Variants in CEP250 observed in about 807,000 individuals in gnomAD.
The protein encoded by CEP250 is centrosome-associated protein CEP250.
Under a neutral mutation model 315.7 loss-of-function variants are expected in CEP250, and 242 were observed. That is an observed-to-expected ratio of 0.77 (90% confidence interval 0.69 to 0.85). The LOEUF (loss-of-function observed/expected upper bound fraction) is 0.85. Among genes scored for constraint, CEP250 ranks in the 40% least tolerant of loss-of-function variants. The pLI is 0.00. For missense variants in CEP250, 2,515 were observed against 2,886.4 expected, an observed-to-expected ratio of 0.87 and a Z score of 2.95; for synonymous variants, 1,088 against 1,175.0, an observed-to-expected ratio of 0.93 and a Z score of 1.51.
rs1466257184 is a variant in CEP250, at chr20:35,500,130, T to A, written c.3859T>A (p.Leu1287Met). The A allele has an allele frequency of 6.2e-7, 1 of 1,613,990 alleles. No homozygotes were observed. Among genetic ancestry groups the A allele is most frequent in the Non-Finnish European group, 8.5e-7 (1 of 1,179,992 alleles). The change falls in exon 28 of 35, where the codon TTG becomes ATG. Residue 1287 changes from leucine (L) to methionine (M), a missense_variant. Coordinates refer to ENST00000397527, the MANE Select transcript of CEP250 (RefSeq NM_007186.6). ...EAEKSQVHTELQDLQRQLSQN... is the reference protein window; with the variant it reads ...EAEKSQVHTEMQDLQRQLSQN... ...TGAGAAGAGCCAGGTCCACACAGAG[T>A]TGCAGGATCTGCAGAGACAGCTCTC...
Position 35,480,153 on chromosome 20 carries a change from G to T in CEP250, c.2586+8G>T, listed in dbSNP as rs2063305727. The T allele has an allele frequency of 6.2e-7, 1 of 1,608,632 alleles. No individual in the cohort carries two copies. Among genetic ancestry groups the T allele is most frequent in the Non-Finnish European group, 8.5e-7 (1 of 1,178,308 alleles). The stretch of plus-strand genomic sequence containing the variant: ...CAGCTCCGGGAGAAATGGGTAAGTG[G>T]TCAATGTGGCCGGGTATGGCCTCCC... On this transcript the variant is annotated splice_region_variant and intron_variant, in intron 20 of 34. Transcript: ENST00000397527.
chr20:35,491,895 C>CA (rs34747030), intron 22 of CEP250, among the ~76,000 whole-genome samples: 42,940 of 63,772 alleles, frequency 0.67, 14,436 homozygotes, highest in Non-Finnish European at 0.75. Flanking sequence ...GAGCGAGTCT[C>CA]AAAAAAAAAA....
chr20:35,476,322 A>T (rs2063172268), intron 15 of CEP250, 127 bp from the exon 16 acceptor site: 1 of 811,830 alleles, frequency 1.2e-6, no homozygotes, highest in Non-Finnish European at 1.9e-6. Flanking sequence ...CTTGTTTAGA[A>T]TGCAGGAGAG....
In CEP250 at chr20:35,505,011, TCA is replaced by T. The variant is rs778261515; in HGVS notation, c.6636+8_6636+9del. 6.3e-7 allele frequency: 1 copy of T among 1,594,670 alleles called. No individual in the cohort carries two copies. Among genetic ancestry groups the T allele is most frequent in the African/African-American group, 1.3e-5 (1 of 74,656 alleles). Reference sequence around the variant, plus strand: ...CAGAACAGCAAAGGCTGCAGGTAAGTCACTCCATGGGGAGTAAGGGCCAGGGG... The same window carrying T: ...CAGAACAGCAAAGGCTGCAGGTAAGTCTCCATGGGGAGTAAGGGCCAGGGG... On this transcript the variant is annotated splice_region_variant and intron_variant, in intron 30 of 34. Transcript: ENST00000397527.
intron 17 of CEP250, 37 bp from the exon 18 acceptor site, chr20:35,479,194 G>T: frequency 6.3e-7 from 1 of 1,596,926 alleles, no homozygotes; most frequent in East Asian, 2.2e-5. Context: ...GGGGAATCCA[G>T]CCTCTGCTCC....
chr20:35,504,968 C>G lies in CEP250; in HGVS notation c.6599C>G (p.Ser2200Cys), dbSNP rs376231852. ...LQEVAMFLQA[S>C]VLERDSEQQR... ...GAGGTAGCCATGTTCCTACAAGCCTCTGTCCTGGAGCGGGACTCAGAACAG... is the reference window on the plus strand; with the variant it reads ...GAGGTAGCCATGTTCCTACAAGCCTGTGTCCTGGAGCGGGACTCAGAACAG... Residue 2200 changes from serine to cysteine, a missense_variant, in exon 30 of 35, where the codon TCT becomes TGT. Ser to Cys is a moderately radical substitution (Grantham distance 112). Transcript: ENST00000397527. The G allele has an allele frequency of 6.2e-7, 1 of 1,613,590 alleles. No individual in the cohort carries two copies. Among genetic ancestry groups the G allele is most frequent in the Non-Finnish European group, 8.5e-7 (1 of 1,179,630 alleles).
chr20:35,504,200 C>G lies in CEP250; in HGVS notation c.5831C>G (p.Ala1944Gly). 1 of 1,612,726 alleles carries G rather than the reference C, an allele frequency of 6.2e-7. No individual in the cohort carries two copies. The highest frequency in any genetic ancestry group is 1.7e-5 in the Admixed American group (1 of 59,822). Residue 1944 changes from alanine (A) to glycine (G), a missense_variant, in exon 30 of 35, where the codon GCT (alanine) becomes GGT (glycine). By Grantham distance (60) the Ala-to-Gly change is moderately conservative. Coordinates refer to ENST00000397527, the MANE Select transcript of CEP250 (RefSeq NM_007186.6). ...VLKERDQELE[A>G]LRAESQSSRH... ...AAGGAACGGGACCAGGAGCTGGAAGCTCTGCGGGCAGAAAGTCAGTCCTCC... is the reference window on the plus strand; with the variant it reads ...AAGGAACGGGACCAGGAGCTGGAAGGTCTGCGGGCAGAAAGTCAGTCCTCC...
intron 28 of CEP250, 113 bp from the exon 29 acceptor site, chr20:35,501,732 C>T (rs960300463): frequency 7.3e-6 from 9 of 1,235,748 alleles, no homozygotes; most frequent in African/African-American, 3.0e-5. Context: ...TCCTTCTTGG[C>T]CTTCCTTCCC....
At chr20:35,466,400 C>T (rs923225696) in intron 7 of CEP250, among the ~76,000 whole-genome samples, 196 bp downstream of exon 7, 7 of 152,186 alleles carry the variant, frequency 4.6e-5, no homozygotes, top group Non-Finnish European at 1.0e-4. Flanking sequence ...TGCCACTACC[C>T]GCCTAGTCTA....
Position 35,462,467 on chromosome 20 carries a change from A to G in CEP250, c.100A>G (p.Asn34Asp). The change falls in exon 4 of 35, where the codon AAT (asparagine) becomes GAT (aspartate). Residue 34 changes from asparagine (N) to aspartate (D), a missense_variant. Coordinates refer to ENST00000397527, the MANE Select transcript of CEP250 (RefSeq NM_007186.6). ...GGCACTACAGCAGCAGATGGCAGAG[A>G]ATCAGGCAGCCTCCTGGCGGAAGCT... ...VLALQQQMAE[N>D]QAASWRKLKN... 6.2e-7 allele frequency: 1 copy of G among 1,608,666 alleles called. No individual in the cohort carries two copies. The highest frequency in any genetic ancestry group is 8.5e-7 in the Non-Finnish European group (1 of 1,177,438).
intron 17 of CEP250, 39 bp downstream of exon 17, chr20:35,478,140 A>G (rs1412119403): frequency 1.4e-5 from 18 of 1,278,614 alleles, no homozygotes; most frequent in Non-Finnish European, 1.9e-5. Flanking sequence ...TCTAGGTGTA[A>G]TATATGCTCA....
At chr20:35,488,221 G>T (rs900781587) in intron 20 of CEP250, among the ~76,000 whole-genome samples, 1 of 152,186 alleles carries the variant, frequency 6.6e-6, no homozygotes, top group African/African-American at 2.4e-5. Flanking sequence ...AGAGCAAATA[G>T]ATCAGTTTTT....
chr20:35,504,332 C>T lies in CEP250; in HGVS notation c.5963C>T (p.Ala1988Val), dbSNP rs140286792. The T allele has an allele frequency of 5.2e-5, 82 of 1,591,644 alleles. No homozygotes were observed. The highest frequency in any genetic ancestry group is 6.8e-5 in the Non-Finnish European group (80 of 1,169,368). ...QGKEQHLLEQ[A>V]ELSRSLEAST... is the part of the protein sequence containing the mutation. ...AAAGAGCAGCATCTCCTCGAGCAGG[C>T]AGAATTGAGCCGCAGTCTGGAGGCC... Residue 1988 changes from alanine to valine, a missense_variant, in exon 30 of 35, where the codon GCA becomes GTA. Transcript: ENST00000397527.
intron 20 of CEP250, among the ~76,000 whole-genome samples, chr20:35,486,544 AC>A (rs2063519926): frequency 6.6e-6 from 1 of 152,046 alleles, no homozygotes; most frequent in African/African-American, 2.4e-5. Flanking sequence ...CACCTGGCCT[AC>A]ACCACAAGTC....
At chr20:35,478,479 C>G (rs1383889568) in intron 17 of CEP250, among the ~76,000 whole-genome samples, 1 of 152,118 alleles carries the variant, frequency 6.6e-6, no homozygotes, top group African/African-American at 2.4e-5. Context: ...GCAGGAGAAT[C>G]TCTTGAATCT....
chr20:35,511,446 G>C lies in CEP250; in HGVS notation c.7149G>C (p.Glu2383Asp), dbSNP rs779178409. 6.2e-7 allele frequency: 1 copy of C among 1,614,080 alleles called. No homozygotes were observed. The highest frequency in any genetic ancestry group is 2.2e-5 in the East Asian group (1 of 44,874). ...CCCGCTCAGCACAGACCAGCCGTGA[G>C]CTAGCAGGCCTGCACCACAGCCTCT... ...YITRSAQTSR[E>D]LAGLHHSLSH... The change falls in exon 35 of 35, where the codon GAG becomes GAC. Residue 2383 changes from glutamate to aspartate, a missense_variant. Physicochemically the swap from Glu to Asp is conservative, Grantham distance 45 (BLOSUM62 2). Coordinates refer to ENST00000397527, the MANE Select transcript of CEP250 (RefSeq NM_007186.6).
In CEP250 at chr20:35,507,660, G is replaced by T. The variant is rs541171211; in HGVS notation, c.6637-78G>T. 3.0e-5 allele frequency: 33 copies of T among 1,088,230 alleles called. No individual in the cohort carries two copies. In the Admixed American group the frequency reaches 6.7e-4, roughly 22 times the overall value. The allele number at this position is 1,088,230 out of a possible 1,614,324, so 67.4% of individuals were successfully genotyped here. A position where few individuals can be genotyped will look rare whatever the true frequency, so the allele number is the denominator to read the frequency against. On this transcript the variant is annotated intron_variant, in intron 30 of 34. Coordinates refer to ENST00000397527, the MANE Select transcript of CEP250 (RefSeq NM_007186.6). Reference sequence around the variant, plus strand: ...AAAAGCCTGAGGAGAACATTGAACCGCTGTTTGTGTGGAGGATGGGTTGGT... The same window carrying T: ...AAAAGCCTGAGGAGAACATTGAACCTCTGTTTGTGTGGAGGATGGGTTGGT...
Position 35,480,015 on chromosome 20 carries a change from G to A in CEP250, c.2456G>A (p.Arg819Gln), listed in dbSNP as rs199866080. Residue 819 changes from arginine (R) to glutamine (Q), a missense_variant, in exon 20 of 35, where the codon CGG becomes CAG. Physicochemically the swap from Arg to Gln is conservative, Grantham distance 43. Coordinates refer to ENST00000397527, the MANE Select transcript of CEP250 (RefSeq NM_007186.6). ...RCLKLELDTE[R>Q]SQAEQERDAA... ...CTGAAGCTGGAACTGGACACTGAAC[G>A]GAGTCAGGCAGAGCAGGAGCGGGAT... 25 of 1,613,772 alleles carry A rather than the reference G, an allele frequency of 1.5e-5. No individual in the cohort carries two copies. The highest frequency in any genetic ancestry group is 1.2e-4 in the Admixed American group (7 of 60,016).
At chr20:35,467,634 A>T in intron 9 of CEP250, 79 bp downstream of exon 9, 1 of 1,432,052 alleles carries the variant, frequency 7.0e-7, no homozygotes, top group Non-Finnish European at 9.5e-7. Context: ...AGGCAGGGGG[A>T]GGTGCCAGGA....
Sources: allele counts gnomAD v4.1 joint callset (sites outside exome capture counted in the v4.1 genomes callset), GRCh38; gene constraint gnomAD v4.1.1; transcripts MANE v1.5; gene names NCBI Gene and HGNC (gene_info 2026-07-23, HGNC 2026-07-21).